The following SLC41A3 variants were observed in gnomAD, a reference collection of about 807,000 sequenced individuals.
SLC41A3 encodes the protein solute carrier family 41 member 3.
Under a neutral mutation model 45.4 loss-of-function variants are expected in SLC41A3, and 44 were observed. The ratio of observed to expected loss-of-function variants is 0.97; its 90% confidence interval spans 0.76 to 1.25. The LOEUF (loss-of-function observed/expected upper bound fraction) is 1.25, where lower values mean the gene tolerates loss of function less well. Among genes scored for constraint, SLC41A3 ranks in the 50% most tolerant of loss-of-function variants. SLC41A3 has a pLI of 0.00. For synonymous variants in SLC41A3, 256 were observed against 252.4 expected, an observed-to-expected ratio of 1.01 and a Z score of -0.13; for missense variants, 550 against 600.6, an observed-to-expected ratio of 0.92 and a Z score of 0.88.
chr3:126,086,844 G>A (rs187576972), upstream of SLC41A3, among the ~76,000 whole-genome samples: 130 of 152,078 alleles, frequency 8.5e-4, no homozygotes, highest in Non-Finnish European at 1.4e-3. Context: ...TATGTGTTGT[G>A]TACACAATGT....
At chr3:126,021,082 G>A (rs34717796) in intron 6 of SLC41A3, among the ~76,000 whole-genome samples, 6,873 of 152,180 alleles carry the variant, frequency 0.045, 205 homozygotes, top group Non-Finnish European at 0.064. Flanking sequence ...TTTTAGTAGA[G>A]ACAGGATTTC....
chr3:126,029,141 C>A (rs1231062142), intron 4 of SLC41A3, among the ~76,000 whole-genome samples: 1 of 152,164 alleles, frequency 6.6e-6, no homozygotes, highest in Non-Finnish European at 1.5e-5. Context: ...TTATATTTTG[C>A]AATGTGAGAA....
chr3:126,006,977 A>C lies in SLC41A3; in HGVS notation c.*39T>G. The C allele has an allele frequency of 6.2e-7, 1 of 1,613,446 alleles. No individual in the cohort carries two copies. The highest frequency in any genetic ancestry group is 8.5e-7 in the Non-Finnish European group (1 of 1,179,506). ...GAATTCTGTATCCCACTGATGTGAG[A>C]GGAAATTCTAATGAGCAAATGGGAC... is the stretch of plus-strand genomic sequence containing the variant. On this transcript the variant is annotated 3_prime_UTR_variant, in exon 11 of 11. Coordinates refer to ENST00000360370, the MANE Select transcript of SLC41A3 (RefSeq NM_017836.4).
chr3:126,045,002 A>T (rs1942871371), intron 3 of SLC41A3, among the ~76,000 whole-genome samples: 1 of 151,892 alleles, frequency 6.6e-6, no homozygotes, highest in African/African-American at 2.4e-5. Flanking sequence ...ATCTCCAAAA[A>T]TGTGGAAATC....
intron 1 of SLC41A3, among the ~76,000 whole-genome samples, chr3:126,100,129 G>A (rs1945680381): frequency 6.6e-6 from 1 of 152,106 alleles, no homozygotes; most frequent in South Asian, 2.1e-4. Context: ...AAAAGGAAGG[G>A]AATTTTCATT....
intron 10 of SLC41A3, among the ~76,000 whole-genome samples, chr3:126,007,477 C>G (rs900853806): frequency 1.3e-5 from 2 of 152,216 alleles, no homozygotes; most frequent in African/African-American, 2.4e-5. Context: ...AAGGGCCAAT[C>G]AGACCCACTG....
At chr3:126,029,718 C>T (rs114944885) in intron 4 of SLC41A3, among the ~76,000 whole-genome samples, 21 of 152,238 alleles carry the variant, frequency 1.4e-4, no homozygotes, top group African/African-American at 5.1e-4. Flanking sequence ...AAATGAGTAA[C>T]TGTGCAAGAA....
chr3:126,096,264 T>C (rs1036271787), intron 1 of SLC41A3, among the ~76,000 whole-genome samples: 10 of 152,232 alleles, frequency 6.6e-5, no homozygotes, highest in Non-Finnish European at 1.0e-4. Flanking sequence ...GTTGTTGTTT[T>C]TCTTTGTATA....
At chr3:126,029,432 C>T (rs1485432841) in intron 4 of SLC41A3, among the ~76,000 whole-genome samples, 1 of 152,162 alleles carries the variant, frequency 6.6e-6, no homozygotes, top group Non-Finnish European at 1.5e-5. Flanking sequence ...TTCTGTCTCC[C>T]ACCATAATTG....
At chr3:126,059,644 T>C (rs1943950768) in intron 2 of SLC41A3, among the ~76,000 whole-genome samples, 1 of 152,200 alleles carries the variant, frequency 6.6e-6, no homozygotes, top group Non-Finnish European at 1.5e-5. Context: ...GCTTCTGGGC[T>C]GCCTGCCAAC....
intron 1 of SLC41A3, among the ~76,000 whole-genome samples, chr3:126,074,319 G>A (rs1380305365): frequency 6.6e-6 from 1 of 151,846 alleles, no homozygotes; most frequent in Non-Finnish European, 1.5e-5. Flanking sequence ...GCATCTGTGA[G>A]AAACCCAAAG....
At chr3:126,050,376 G>A (rs1158263284) in intron 3 of SLC41A3, among the ~76,000 whole-genome samples, 1 of 152,214 alleles carries the variant, frequency 6.6e-6, no homozygotes, top group Admixed American at 6.5e-5. Context: ...TGTAGTAGAA[G>A]GGAAAAAGCT....
At position 126,051,055 on chromosome 3, in the gene SLC41A3, T is replaced by C. The variant is rs773435387; in HGVS notation, c.274-5A>G. On this transcript the variant is annotated splice_region_variant and splice_polypyrimidine_tract_variant and intron_variant, in intron 2 of 10. Coordinates refer to ENST00000360370, the MANE Select transcript of SLC41A3 (RefSeq NM_017836.4). ...CTCCACAAACACAGGCCAGTGCTGGTAGGGAAACAGTAAGGAGATAAGCCA... is the reference window on the plus strand; with the variant it reads ...CTCCACAAACACAGGCCAGTGCTGGCAGGGAAACAGTAAGGAGATAAGCCA... 6.3e-7 allele frequency: 1 copy of C among 1,595,628 alleles called. No homozygotes were observed. Among genetic ancestry groups the C allele is most frequent in the African/African-American group, 1.3e-5 (1 of 74,518 alleles).
rs78706116 is a variant in SLC41A3, at chr3:126,065,036, G to A, written c.273+2911C>T. Among the ~76,000 whole-genome samples, 35 of 152,380 alleles carry A rather than the reference G, an allele frequency of 2.3e-4. No individual in the cohort carries two copies. The East Asian group carries it at 6.6e-3, about 29-fold the overall frequency. ...CAAGGCAAGACGTAGGAGTGGCCTC[G>A]AGAAGTGAAGTGCAGCCCCTGGCTG... On this transcript the variant is annotated intron_variant, in intron 2 of 10. Coordinates refer to ENST00000360370, the MANE Select transcript of SLC41A3 (RefSeq NM_017836.4).
chr3:126,096,091 A>T (rs535067640), intron 1 of SLC41A3, among the ~76,000 whole-genome samples: 2 of 152,338 alleles, frequency 1.3e-5, no homozygotes, highest in East Asian at 1.9e-4. Flanking sequence ...TTGCAAAATT[A>T]AAAAAACAAA....
Position 126,022,414 on chromosome 3 carries a change from G to A in SLC41A3, c.745+372C>T, listed in dbSNP as rs576038311. The stretch of plus-strand genomic sequence containing the variant: ...TGTGGAGGCTGAAGAACCCAAGGTC[G>A]AGGGGCAGCATTTGGTGAGGGCCTT... On this transcript the variant is annotated intron_variant, in intron 6 of 10. Coordinates refer to ENST00000360370, the MANE Select transcript of SLC41A3 (RefSeq NM_017836.4). Among the ~76,000 whole-genome samples, 18 of 152,350 alleles carry A rather than the reference G, an allele frequency of 1.2e-4. No homozygotes were observed. The East Asian group carries it at 3.1e-3, about 26-fold the overall frequency.
At chr3:126,068,704 A>G (rs1576350849) in intron 1 of SLC41A3, among the ~76,000 whole-genome samples, 1 of 152,042 alleles carries the variant, frequency 6.6e-6, no homozygotes, top group Non-Finnish European at 1.5e-5. Context: ...TGGTCCCACT[A>G]CCCTCTCCAG....
At chr3:126,027,195 C>A (rs1270467605) in intron 4 of SLC41A3, among the ~76,000 whole-genome samples, 1 of 152,144 alleles carries the variant, frequency 6.6e-6, no homozygotes, top group African/African-American at 2.4e-5. Flanking sequence ...GAGATGGGGC[C>A]TGGTGGGAGG....
intron 2 of SLC41A3, among the ~76,000 whole-genome samples, chr3:126,057,383 G>A (rs1301616253): frequency 6.6e-6 from 1 of 152,244 alleles, no homozygotes; most frequent in African/African-American, 2.4e-5. Context: ...AAGGGGCTGG[G>A]AAGCCACCTC....
Sources: gnomAD v4.1 joint callset for allele counts (sites outside exome capture counted in the v4.1 genomes callset) on GRCh38, gnomAD v4.1.1 for gene constraint, MANE v1.5 for transcripts, NCBI Gene and HGNC (gene_info 2026-07-23, HGNC 2026-07-21) for gene names.